Variants in CYRIA observed in about 807,000 individuals in gnomAD.
The protein encoded by CYRIA is CYFIP related Rac1 interactor A.
In CYRIA, 15 loss-of-function variants were observed where a neutral mutation model predicts 43.9. The ratio of observed to expected loss-of-function variants is 0.34; its 90% CI spans 0.23 to 0.53. The LOEUF is 0.53. Among genes scored for constraint, CYRIA ranks in the 20% least tolerant of loss-of-function variants. CYRIA has a pLI of 0.94. For missense variants in CYRIA, 236 were observed against 394.2 expected (o/e 0.60, Z 3.40); for synonymous variants, 117 against 136.0 (o/e 0.86, Z 0.97).
chr2:16,631,918 A>G (rs915180405), intron 1 of CYRIA, among the ~76,000 whole-genome samples: 1 of 152,190 alleles, frequency 6.6e-6, no homozygotes, highest in Non-Finnish European at 1.5e-5. Context: ...ATGCTCTGGT[A>G]TATCCTGTGA....
At chr2:16,599,779 C>T (rs1668137619) in intron 2 of CYRIA, among the ~76,000 whole-genome samples, 1 of 152,014 alleles carries the variant, frequency 6.6e-6, no homozygotes, top group Non-Finnish European at 1.5e-5. Flanking sequence ...TTTTTTGAGA[C>T]AGAGTCTCAT....
At chr2:16,638,444 A>T in intron 1 of CYRIA, among the ~76,000 whole-genome samples, 1 of 152,198 alleles carries the variant, frequency 6.6e-6, no homozygotes, top group East Asian at 1.9e-4. Context: ...GGGCCTAATC[A>T]GAGTGTGAAT....
At chr2:16,646,428 A>G (rs11892315) in intron 1 of CYRIA, among the ~76,000 whole-genome samples, 13,193 of 152,180 alleles carry the variant, frequency 0.087, 1,362 homozygotes, top group African/African-American at 0.24. Flanking sequence ...AAATGGAGAG[A>G]ACTTGTATAG....
chr2:16,665,212 A>T (rs1308841962), intron 1 of CYRIA, among the ~76,000 whole-genome samples: 1 of 152,086 alleles, frequency 6.6e-6, no homozygotes, highest in Non-Finnish European at 1.5e-5. Flanking sequence ...CCTTTTGCCA[A>T]ACTGGGGTTC....
At chr2:16,574,077 A>G (rs958420677) in intron 3 of CYRIA, among the ~76,000 whole-genome samples, 1 of 152,226 alleles carries the variant, frequency 6.6e-6, no homozygotes, top group Non-Finnish European at 1.5e-5. Flanking sequence ...AATGCTGATA[A>G]TGATATGCAC....
At chr2:16,654,262 C>T (rs1427819768) in intron 1 of CYRIA, among the ~76,000 whole-genome samples, 1 of 152,222 alleles carries the variant, frequency 6.6e-6, no homozygotes, top group African/African-American at 2.4e-5. Context: ...AGCACAACTT[C>T]TTCTTCCATC....
At chr2:16,612,757 G>A (rs1317673791) in intron 2 of CYRIA, among the ~76,000 whole-genome samples, 1 of 152,206 alleles carries the variant, frequency 6.6e-6, no homozygotes, top group African/African-American at 2.4e-5. Context: ...TCCCCACCAA[G>A]CGGAGGTGGA....
intron 3 of CYRIA, among the ~76,000 whole-genome samples, chr2:16,568,246 A>T (rs1405825918): frequency 6.6e-6 from 1 of 151,546 alleles, no homozygotes; most frequent in African/African-American, 2.4e-5. Context: ...AAAAAAAAAA[A>T]AAACCCAAAT....
intron 1 of CYRIA, among the ~76,000 whole-genome samples, chr2:16,629,769 T>C (rs944040672): frequency 3.3e-5 from 5 of 152,226 alleles, no homozygotes; most frequent in Admixed American, 6.5e-5. Flanking sequence ...AATTAGGCCA[T>C]GTGCACAGGT....
At chr2:16,580,780 C>T (rs1432435920) in intron 3 of CYRIA, among the ~76,000 whole-genome samples, 2 of 152,146 alleles carry the variant, frequency 1.3e-5, no homozygotes, top group African/African-American at 4.8e-5. Flanking sequence ...GAAGGTAGAT[C>T]AATAGAGTAA....
intron 3 of CYRIA, among the ~76,000 whole-genome samples, chr2:16,578,366 A>T (rs1227693973): frequency 4.6e-5 from 7 of 152,206 alleles, no homozygotes; most frequent in Admixed American, 4.6e-4. Flanking sequence ...AAAAATTAAC[A>T]AACACAAAGC....
intron 2 of CYRIA, among the ~76,000 whole-genome samples, chr2:16,609,514 A>G (rs1668521519): frequency 6.6e-6 from 1 of 152,132 alleles, no homozygotes; most frequent in South Asian, 2.1e-4. Context: ...TTCTGCCTGG[A>G]ATGTTTTTCC....
intron 6 of CYRIA, 76 bp downstream of exon 6, chr2:16,561,929 A>G: frequency 1.4e-6 from 2 of 1,423,006 alleles, no homozygotes; most frequent in Non-Finnish European, 1.9e-6. Context: ...CCCACCCCAC[A>G]GCACTAACAG....
intron 10 of CYRIA, 55 bp downstream of exon 10, chr2:16,559,405 T>A: frequency 6.3e-7 from 1 of 1,582,658 alleles, no homozygotes; most frequent in South Asian, 1.2e-5. Context: ...AAAAACAAGG[T>A]CTGGCAACAT....
intron 1 of CYRIA, among the ~76,000 whole-genome samples, chr2:16,628,994 G>A (rs994192193): frequency 6.6e-6 from 1 of 152,142 alleles, no homozygotes; most frequent in Non-Finnish European, 1.5e-5. Context: ...TTGTGCCCTG[G>A]AAGCCCCGGA....
chr2:16,564,041 C>T lies in CYRIA; in HGVS notation c.246G>A (p.Val82=), dbSNP rs752479542. The change falls in exon 5 of 12, where the codon GTG becomes GTA. Residue 82 remains valine, a synonymous_variant. Transcript: ENST00000381323. ...IQLQEKAWNA[V]CPLVVRLKRF... ...TCTTTAGCCTCACAACAAGAGGGCA[C>T]ACCGCATTCCAAGCTTTTTCTTGAA... 1 of 1,613,676 alleles carries T rather than the reference C, an allele frequency of 6.2e-7. No homozygotes were observed. Among genetic ancestry groups the T allele is most frequent in the Non-Finnish European group, 8.5e-7 (1 of 1,179,744 alleles).
At chr2:16,654,783 T>G (rs981796862) in intron 1 of CYRIA, among the ~76,000 whole-genome samples, 17 of 152,242 alleles carry the variant, frequency 1.1e-4, no homozygotes, top group African/African-American at 3.9e-4. Context: ...AAATGTATAC[T>G]GAATAGCATA....
chr2:16,575,719 G>GGT, intron 3 of CYRIA, among the ~76,000 whole-genome samples: 1 of 152,070 alleles, frequency 6.6e-6, no homozygotes, highest in Admixed American at 6.5e-5. Context: ...AGCCGGGCGT[G>GGT]ATGGCGGGCG....
chr2:16,575,878 A>T (rs575089546), intron 3 of CYRIA, among the ~76,000 whole-genome samples: 40 of 147,906 alleles, frequency 2.7e-4, no homozygotes, highest in African/African-American at 5.7e-4. Context: ...ATAAATAAAT[A>T]AAATAAATAA....
Sources: allele counts gnomAD v4.1 joint callset (sites outside exome capture counted in the v4.1 genomes callset), GRCh38; gene constraint gnomAD v4.1.1; transcripts MANE v1.5; gene names NCBI Gene and HGNC (gene_info 2026-07-23, HGNC 2026-07-21).